RBFOX1: variants seen among roughly 807,000 people sequenced by gnomAD.
RBFOX1 encodes the protein RNA binding fox-1 homolog 1, also known as RNA binding protein fox-1 homolog 1.
In RBFOX1, 8 loss-of-function variants were observed where a neutral mutation model predicts 57.7. The ratio of observed to expected loss-of-function variants is 0.14; its 90% CI spans 0.08 to 0.25. RBFOX1 has a LOEUF of 0.25. RBFOX1 is among the 10% of genes least tolerant of loss of function. The pLI is 1.00. For synonymous variants in RBFOX1, 326 were observed against 222.4 expected (o/e 1.47, Z -4.15); for missense variants, 611 against 548.5 (o/e 1.11, Z -1.14).
At chr16:6,657,560 C>G (rs752341733) in intron 3 of RBFOX1, among the ~76,000 whole-genome samples, 40 of 152,144 alleles carry the variant, frequency 2.6e-4, no homozygotes, top group Non-Finnish European at 4.9e-4. Flanking sequence ...CTCTGCCACA[C>G]TGATGGGTTG....
intron 14 of RBFOX1, 27 bp from the exon 15 acceptor site, chr16:7,709,029 C>T (rs745853677): frequency 1.2e-5 from 19 of 1,582,950 alleles, no homozygotes; most frequent in East Asian, 2.2e-5. Context: ...TACTGTGGAT[C>T]AATCTTCACC....
At chr16:6,505,725 A>G (rs2096071270) in intron 2 of RBFOX1, among the ~76,000 whole-genome samples, 1 of 152,236 alleles carries the variant, frequency 6.6e-6, no homozygotes, top group Admixed American at 6.5e-5. Context: ...TACAGACTAA[A>G]AACTCAAGAG....
intron 2 of RBFOX1, among the ~76,000 whole-genome samples, chr16:6,388,296 A>C (rs1233611955): frequency 6.6e-6 from 1 of 151,758 alleles, no homozygotes; most frequent in African/African-American, 2.4e-5. Flanking sequence ...ATGTGTTTGA[A>C]CTTGGGGGAC....
At chr16:6,884,907 A>G (rs2063676967) in intron 3 of RBFOX1, among the ~76,000 whole-genome samples, 1 of 152,160 alleles carries the variant, frequency 6.6e-6, no homozygotes, top group Non-Finnish European at 1.5e-5. Context: ...CAAACAAACA[A>G]ACAAAACAAA....
At chr16:7,158,978 C>T (rs1158035653) in intron 4 of RBFOX1, among the ~76,000 whole-genome samples, 1 of 152,040 alleles carries the variant, frequency 6.6e-6, no homozygotes, top group Non-Finnish European at 1.5e-5. Flanking sequence ...ACAACAGTTC[C>T]ATCACCACAA....
intron 1 of RBFOX1, among the ~76,000 whole-genome samples, chr16:6,108,188 C>T (rs915623249): frequency 6.6e-6 from 1 of 152,084 alleles, no homozygotes; most frequent in Non-Finnish European, 1.5e-5. Context: ...ATGCAATATA[C>T]ATGTCTCTGT....
intron 3 of RBFOX1, among the ~76,000 whole-genome samples, chr16:6,847,828 A>C (rs1360362145): frequency 2.0e-5 from 3 of 152,030 alleles, no homozygotes; most frequent in African/African-American, 4.8e-5. Context: ...ATTCCCACCA[A>C]GACTTCCTTT....
intron 10 of RBFOX1, among the ~76,000 whole-genome samples, chr16:7,615,684 C>G (rs1365193637): frequency 6.6e-6 from 1 of 152,044 alleles, no homozygotes; most frequent in South Asian, 2.1e-4. Context: ...TTGGCAATTT[C>G]TGGAAACATT....
chr16:5,314,093 C>G (rs945840381), intron 1 of RBFOX1, among the ~76,000 whole-genome samples: 1 of 152,224 alleles, frequency 6.6e-6, no homozygotes, highest in Non-Finnish European at 1.5e-5. Context: ...CAAGTTTTAT[C>G]TCATGAGACC....
At chr16:5,247,113 T>C (rs922371550) in intron 1 of RBFOX1, among the ~76,000 whole-genome samples, 2 of 152,240 alleles carry the variant, frequency 1.3e-5, no homozygotes, top group Non-Finnish European at 2.9e-5. Context: ...TTTTGAAGGC[T>C]GAATAGTATT....
chr16:6,871,307 T>A (rs2060834336), intron 3 of RBFOX1, among the ~76,000 whole-genome samples: 1 of 152,188 alleles, frequency 6.6e-6, no homozygotes, highest in Non-Finnish European at 1.5e-5. Flanking sequence ...TGCATCAACT[T>A]CCTGAGTAGC....
chr16:5,484,045 C>T (rs1597250597), intron 2 of RBFOX1, among the ~76,000 whole-genome samples: 2 of 152,142 alleles, frequency 1.3e-5, no homozygotes, highest in South Asian at 2.1e-4. Context: ...GTGGTGTGTA[C>T]CTATAGTCCC....
At chr16:6,587,238 C>A (rs4786892) in intron 2 of RBFOX1, among the ~76,000 whole-genome samples, 73,350 of 151,798 alleles carry the variant, frequency 0.48, 18,604 homozygotes, top group East Asian at 0.71. Context: ...GGGTTCACTT[C>A]TTTAAGATTC....
At chr16:7,145,919 C>T (rs566398972) in intron 4 of RBFOX1, among the ~76,000 whole-genome samples, 25 of 152,246 alleles carry the variant, frequency 1.6e-4, no homozygotes, top group African/African-American at 2.6e-4. Context: ...GACCCTCTGG[C>T]GGAGTAGCCG....
intron 3 of RBFOX1, among the ~76,000 whole-genome samples, chr16:5,827,845 C>G (rs1198144833): frequency 6.6e-6 from 1 of 151,862 alleles, no homozygotes; most frequent in Non-Finnish European, 1.5e-5. Flanking sequence ...ATCCATCCAT[C>G]CACCCACCCA....
At chr16:7,506,209 AAAAAAAAAT>A (rs1384329526) in intron 4 of RBFOX1, among the ~76,000 whole-genome samples, 4 of 150,910 alleles carry the variant, frequency 2.7e-5, no homozygotes, top group African/African-American at 9.7e-5. Context: ...AAAAAAAAAA[AAAAAAAAAT>A]TTCTGTAAGC....
chr16:5,821,075 C>A (rs564496455), intron 3 of RBFOX1, among the ~76,000 whole-genome samples: 2 of 152,056 alleles, frequency 1.3e-5, no homozygotes, highest in Non-Finnish European at 2.9e-5. Context: ...TGAGGTGCTC[C>A]TACCAGGGTC....
intron 4 of RBFOX1, among the ~76,000 whole-genome samples, chr16:7,373,888 A>C (rs575157253): frequency 6.6e-6 from 1 of 152,288 alleles, no homozygotes; most frequent in South Asian, 2.1e-4. Context: ...GTACATTCTC[A>C]TTCCACTCAA....
chr16:6,292,870 C>T (rs973432678), intron 1 of RBFOX1, among the ~76,000 whole-genome samples: 4 of 152,140 alleles, frequency 2.6e-5, no homozygotes, highest in African/African-American at 9.7e-5. Flanking sequence ...TTACAAAATA[C>T]AGTTCAAAAA....
Sources: allele counts gnomAD v4.1 joint callset (sites outside exome capture counted in the v4.1 genomes callset), GRCh38; gene constraint gnomAD v4.1.1; transcripts MANE v1.5; gene names NCBI Gene and HGNC (gene_info 2026-07-23, HGNC 2026-07-21).